Variants in MAGI1 observed in about 807,000 individuals in gnomAD.
MAGI1 encodes the protein membrane associated guanylate kinase, WW and PDZ domain containing 1.
Under a neutral mutation model 139.9 loss-of-function variants are expected in MAGI1, and 58 were observed. The observed-to-expected ratio is 0.41, with a 90% CI of 0.34 to 0.52. The LOEUF (loss-of-function observed/expected upper bound fraction) is 0.52, where lower values mean the gene tolerates loss of function less well. Among genes scored for constraint, MAGI1 ranks in the 20% least tolerant of loss-of-function variants. The probability of loss-of-function intolerance (pLI) is 0.12; values close to 1 mark genes in which losing one functional copy is unlikely to be tolerated. For missense variants in MAGI1, 1,874 were observed against 1,901.6 expected (o/e 0.99, Z 0.27); for synonymous variants, 812 against 737.9 (o/e 1.10, Z -1.63).
chr3:65,453,176 G>T lies in MAGI1; in HGVS notation c.1042+82C>A. The T allele has an allele frequency of 4.1e-6, 5 of 1,210,856 alleles. No individual in the cohort carries two copies. The South Asian group carries it at 6.1e-5, about 15-fold the overall frequency. 75.0% of individuals were successfully genotyped at this position (1,210,856 alleles called of 1,614,324 possible). ...TAAAAACTCAACATAAGACCCGACT[G>T]ACCTGGCTACGACTCTTTAAAATTT... is the stretch of plus-strand genomic sequence containing the variant. On this transcript the variant is annotated intron_variant, in intron 6 of 22. Coordinates refer to ENST00000402939, the MANE Select transcript of MAGI1 (RefSeq NM_001033057.2).
At chr3:65,421,220 A>C (rs1339715391) in intron 12 of MAGI1, among the ~76,000 whole-genome samples, 2 of 152,234 alleles carry the variant, frequency 1.3e-5, no homozygotes, top group African/African-American at 2.4e-5. Flanking sequence ...CATGGCAATA[A>C]ATCAAAATAG....
intron 1 of MAGI1, among the ~76,000 whole-genome samples, chr3:65,777,701 C>T (rs1273916801): frequency 6.6e-6 from 1 of 151,282 alleles, no homozygotes. Flanking sequence ...AAAATATGTT[C>T]GGTCTCCTAA....
chr3:65,382,117 C>T, intron 15 of MAGI1, 48 bp from the exon 16 acceptor site: 1 of 1,422,310 alleles, frequency 7.0e-7, no homozygotes, highest in Non-Finnish European at 9.7e-7. Context: ...CCTATGTTTA[C>T]TGTTACATCA....
At chr3:65,526,675 C>T (rs370838196) in intron 2 of MAGI1, among the ~76,000 whole-genome samples, 1 of 152,304 alleles carries the variant, frequency 6.6e-6, no homozygotes, top group East Asian at 1.9e-4. Context: ...AACCCACCTT[C>T]TCATCACTTT....
At chr3:65,559,700 C>T (rs2108009616) in intron 2 of MAGI1, among the ~76,000 whole-genome samples, 1 of 152,300 alleles carries the variant, frequency 6.6e-6, no homozygotes, top group East Asian at 1.9e-4. Flanking sequence ...GGCTACAAAA[C>T]TTGTCTAACT....
At chr3:65,527,468 G>A (rs1397290719) in intron 2 of MAGI1, among the ~76,000 whole-genome samples, 1 of 151,994 alleles carries the variant, frequency 6.6e-6, no homozygotes, top group Admixed American at 6.6e-5. Flanking sequence ...GCTCACACCT[G>A]TAATCCCAGC....
chr3:65,395,661 G>GGT (rs1397202537), intron 13 of MAGI1, among the ~76,000 whole-genome samples: 2 of 46,014 alleles, frequency 4.3e-5, no homozygotes, highest in Admixed American at 3.5e-4. Flanking sequence ...AAAAAAAGAG[G>GGT]GTGTGCTAAG....
intron 1 of MAGI1, among the ~76,000 whole-genome samples, chr3:65,847,687 C>A (rs1341284347): frequency 6.6e-6 from 1 of 152,128 alleles, no homozygotes. Flanking sequence ...ATTCATTCAT[C>A]CTCTCAATCG....
At chr3:65,872,616 C>G (rs264698) in intron 1 of MAGI1, among the ~76,000 whole-genome samples, 13,203 of 152,112 alleles carry the variant, frequency 0.087, 1,904 homozygotes, top group African/African-American at 0.3. Flanking sequence ...AACACTCAGA[C>G]AATAAATAGA....
intron 1 of MAGI1, among the ~76,000 whole-genome samples, chr3:66,013,586 T>C (rs994419222): frequency 2.0e-5 from 3 of 150,554 alleles, no homozygotes; most frequent in Non-Finnish European, 4.4e-5. Flanking sequence ...ACAGTGAAAC[T>C]CCGTCTCTAC....
chr3:66,020,287 A>G (rs1351246755), intron 1 of MAGI1, among the ~76,000 whole-genome samples: 14 of 152,154 alleles, frequency 9.2e-5, no homozygotes, highest in Admixed American at 9.2e-4. Flanking sequence ...AAATACAAAA[A>G]TTAGCAGGGC....
chr3:65,742,252 C>A (rs1039042791), intron 1 of MAGI1, among the ~76,000 whole-genome samples: 1 of 152,064 alleles, frequency 6.6e-6, no homozygotes, highest in Non-Finnish European at 1.5e-5. Context: ...AGGTTCCCTG[C>A]CAAATATTTT....
At chr3:65,394,649 A>G (rs1313557038) in intron 13 of MAGI1, among the ~76,000 whole-genome samples, 2 of 151,116 alleles carry the variant, frequency 1.3e-5, no homozygotes, top group African/African-American at 2.4e-5. Flanking sequence ...ATTTTTTAAA[A>G]CTATGCTGTG....
chr3:65,434,758 G>A (rs183868081), intron 10 of MAGI1, among the ~76,000 whole-genome samples: 129 of 152,250 alleles, frequency 8.5e-4, no homozygotes, highest in Non-Finnish European at 1.3e-3. Flanking sequence ...GGTTTCTTTG[G>A]TATCAGTTAT....
chr3:65,928,122 A>AT (rs928264110), intron 1 of MAGI1, among the ~76,000 whole-genome samples: 2 of 152,046 alleles, frequency 1.3e-5, no homozygotes, highest in African/African-American at 2.4e-5. Context: ...GAAGACAAGG[A>AT]TTTTTTTACA....
chr3:66,038,014 A>C lies in MAGI1; in HGVS notation c.295T>G (p.Phe99Val). The stretch of plus-strand genomic sequence containing the variant: ...GCCTTACCTTGTCTGACGGCCTTGA[A>C]GGTGACGGCCTCCTTGCAGCTGTCG... ...VIDSCKEAVT[F>V]KAVRQGGRLN... The change falls in exon 1 of 23, where the codon TTC becomes GTC. Residue 99 changes from phenylalanine (F) to valine (V), a missense_variant. By Grantham distance (50) the Phe-to-Val change is conservative. Transcript: ENST00000402939. 6.3e-7 allele frequency: 1 copy of C among 1,592,690 alleles called. No individual in the cohort carries two copies. The highest frequency in any genetic ancestry group is 2.2e-5 in the East Asian group (1 of 44,574).
chr3:65,356,186 T>G lies in MAGI1; in HGVS notation c.*192A>C. On this transcript the variant is annotated 3_prime_UTR_variant, in exon 23 of 23. Coordinates refer to ENST00000402939, the MANE Select transcript of MAGI1 (RefSeq NM_001033057.2). ...GCATTTAAAAATACTTTCTTTAATATGATACATCAGGCACAATACTTTTCA... is the reference window on the plus strand; with the variant it reads ...GCATTTAAAAATACTTTCTTTAATAGGATACATCAGGCACAATACTTTTCA... 1 of 489,432 alleles carries G rather than the reference T, an allele frequency of 2.0e-6. No individual in the cohort carries two copies. Among genetic ancestry groups the G allele is most frequent in the East Asian group, 3.5e-5 (1 of 28,598 alleles). The allele number at this position is 489,432 out of a possible 1,614,324, so 30.3% of individuals were successfully genotyped here. A position where few individuals can be genotyped will look rare whatever the true frequency, so the allele number is the denominator to read the frequency against.
chr3:65,395,023 A>C (rs1007535027), intron 13 of MAGI1, among the ~76,000 whole-genome samples: 1 of 152,174 alleles, frequency 6.6e-6, no homozygotes, highest in African/African-American at 2.4e-5. Flanking sequence ...AAGAACATGG[A>C]AAAATGGAAA....
At chr3:65,368,742 T>G (rs1259576211) in intron 18 of MAGI1, among the ~76,000 whole-genome samples, 1 of 152,220 alleles carries the variant, frequency 6.6e-6, no homozygotes, top group Non-Finnish European at 1.5e-5. Context: ...TTCTAATGCC[T>G]TTGCCAAGGA....
Sources: allele counts gnomAD v4.1 joint callset (sites outside exome capture counted in the v4.1 genomes callset), GRCh38; gene constraint gnomAD v4.1.1; transcripts MANE v1.5; gene names NCBI Gene and HGNC (gene_info 2026-07-23, HGNC 2026-07-21).